Variants in ARPP21 observed in about 807,000 individuals in gnomAD.
The protein encoded by ARPP21 is cAMP regulated phosphoprotein 21, also known as cAMP-regulated phosphoprotein 21.
A neutral mutation model predicts 113.2 loss-of-function variants in ARPP21; 69 were observed. The observed-to-expected ratio is 0.61, with a 90% CI of 0.50 to 0.74. The LOEUF (loss-of-function observed/expected upper bound fraction) is 0.74. Among genes scored for constraint, ARPP21 ranks in the 30% least tolerant of loss-of-function variants. The pLI is 0.00. For missense variants in ARPP21, 1,070 were observed against 1,037.4 expected (o/e 1.03, Z -0.43); for synonymous variants, 368 against 375.5 (o/e 0.98, Z 0.23).
chr3:35,712,491 A>T (rs972745060), intron 11 of ARPP21, among the ~76,000 whole-genome samples: 3 of 151,100 alleles, frequency 2.0e-5, no homozygotes, highest in African/African-American at 7.3e-5. Flanking sequence ...TATTTTCCAA[A>T]TATATCTTGG....
At chr3:35,784,575 T>G (rs1440725582) in intron 19 of ARPP21, among the ~76,000 whole-genome samples, 1 of 152,204 alleles carries the variant, frequency 6.6e-6, no homozygotes, top group East Asian at 1.9e-4. Context: ...TCTCTGTGCC[T>G]CTTCTTTCCA....
intron 19 of ARPP21, among the ~76,000 whole-genome samples, chr3:35,779,154 G>A (rs1391982795): frequency 6.6e-6 from 1 of 152,010 alleles, no homozygotes. Flanking sequence ...TAGATACTGG[G>A]GGCAAATTAG....
In ARPP21 at chr3:35,685,342, T is replaced by C. The variant is rs1021094757; in HGVS notation, c.261+1527T>C. 214 of 985,280 alleles carry C rather than the reference T, an allele frequency of 2.2e-4. 1 individual carries two copies. The Middle Eastern group carries it at 3.1e-3, about 14-fold the overall frequency. The allele number at this position is 985,280 out of a possible 1,614,324, so 61.0% of individuals were successfully genotyped here. ...CCAAGACTAGCTTTGTAGGAGAGAA[T>C]GAGAGCCTGCAAGCCTCTCTTTGGA... On this transcript the variant is annotated intron_variant, in intron 5 of 20. Coordinates refer to ENST00000684406, the MANE Select transcript of ARPP21 (RefSeq NM_001385562.1).
rs189794151 is a variant in ARPP21, at chr3:35,682,794, G to T, written c.130-54G>T. The T allele has an allele frequency of 1.2e-4, 186 of 1,516,196 alleles. No individual in the cohort carries two copies. In the African/African-American group the frequency reaches 2.2e-3, roughly 18 times the overall value. 93.9% of individuals were successfully genotyped at this position (1,516,196 alleles called of 1,614,324 possible). A position where few individuals can be genotyped will look rare whatever the true frequency, so the allele number is the denominator to read the frequency against. On this transcript the variant is annotated intron_variant, in intron 3 of 20. Transcript: ENST00000684406. ...TCTCTCTCTCGGTTGTTGATTTACT[G>T]TTCGTTTTTGTTTGTTTTATTTTAT...
intron 12 of ARPP21, 81 bp downstream of exon 12, chr3:35,715,557 C>G: frequency 8.9e-7 from 1 of 1,127,616 alleles, no homozygotes; most frequent in Non-Finnish European, 1.3e-6. Flanking sequence ...AATATATATC[C>G]CATATATGTG....
chr3:35,733,042 C>T (rs945693628), intron 15 of ARPP21, among the ~76,000 whole-genome samples: 2 of 152,182 alleles, frequency 1.3e-5, no homozygotes, highest in Non-Finnish European at 2.9e-5. Flanking sequence ...CTCACCCCTT[C>T]TCTCTCTTTT....
intron 14 of ARPP21, among the ~76,000 whole-genome samples, chr3:35,725,459 C>G (rs542112024): frequency 6.6e-6 from 1 of 152,268 alleles, no homozygotes; most frequent in Non-Finnish European, 1.5e-5. Context: ...ACCATTTAGT[C>G]TGGTACCTTA....
intron 1 of ARPP21, among the ~76,000 whole-genome samples, chr3:35,655,921 G>A (rs1003721731): frequency 1.3e-5 from 2 of 151,978 alleles, no homozygotes; most frequent in African/African-American, 4.8e-5. Context: ...TAGTGATGTT[G>A]ATGTTGCCAG....
chr3:35,661,938 A>C (rs1265595732), intron 1 of ARPP21, among the ~76,000 whole-genome samples: 1 of 152,218 alleles, frequency 6.6e-6, no homozygotes, highest in African/African-American at 2.4e-5. Context: ...TTGAATGCCT[A>C]TTATGTGTCA....
chr3:35,771,576 G>A (rs1343927260), intron 19 of ARPP21, among the ~76,000 whole-genome samples: 1 of 152,130 alleles, frequency 6.6e-6, no homozygotes, highest in Non-Finnish European at 1.5e-5. Context: ...TAATCTGCCT[G>A]CCGTGGCCTC....
chr3:35,719,272 A>G (rs1381636315), intron 13 of ARPP21, among the ~76,000 whole-genome samples: 1 of 152,236 alleles, frequency 6.6e-6, no homozygotes, highest in Non-Finnish European at 1.5e-5. Flanking sequence ...ATTTTAATGT[A>G]TAAATACCTA....
At chr3:35,761,030 G>T (rs1418426747) in intron 19 of ARPP21, among the ~76,000 whole-genome samples, 1 of 152,060 alleles carries the variant, frequency 6.6e-6, no homozygotes, top group East Asian at 1.9e-4. Context: ...TTTCTAAAAT[G>T]CATTCTCAAG....
chr3:35,660,702 T>A (rs11129663), intron 1 of ARPP21, among the ~76,000 whole-genome samples: 96,709 of 152,068 alleles, frequency 0.64, 31,581 homozygotes, highest in African/African-American at 0.79. Flanking sequence ...TTGATGGGTA[T>A]TTATCAGTAA....
intron 2 of ARPP21, 25 bp from the exon 3 acceptor site, chr3:35,681,689 A>G: frequency 1.5e-6 from 2 of 1,325,504 alleles, no homozygotes; most frequent in Non-Finnish European, 2.1e-6. Flanking sequence ...CACTGACTTT[A>G]TTTTCTGATA....
chr3:35,723,106 A>C (rs2093249404), intron 14 of ARPP21, among the ~76,000 whole-genome samples: 1 of 152,048 alleles, frequency 6.6e-6, no homozygotes, highest in Non-Finnish European at 1.5e-5. Flanking sequence ...AGGCTCCTGA[A>C]GTGACAGGTG....
intron 19 of ARPP21, among the ~76,000 whole-genome samples, chr3:35,772,030 G>A (rs1345340843): frequency 6.6e-6 from 1 of 151,952 alleles, no homozygotes; most frequent in Admixed American, 6.6e-5. Flanking sequence ...ATCAGATTTG[G>A]TTCAGGCTTA....
At chr3:35,659,341 A>G (rs1483939789) in intron 1 of ARPP21, among the ~76,000 whole-genome samples, 4 of 152,198 alleles carry the variant, frequency 2.6e-5, no homozygotes, top group Non-Finnish European at 5.9e-5. Context: ...ACACATTTTA[A>G]AATATGATAA....
chr3:35,703,851 C>T (rs1211368140), intron 9 of ARPP21, among the ~76,000 whole-genome samples: 3 of 151,782 alleles, frequency 2.0e-5, no homozygotes, highest in Admixed American at 1.3e-4. Context: ...CATTTTATTG[C>T]TTAGAAATAA....
chr3:35,678,049 C>G (rs879173483), intron 1 of ARPP21, among the ~76,000 whole-genome samples: 1 of 151,926 alleles, frequency 6.6e-6, no homozygotes, highest in Admixed American at 6.6e-5. Flanking sequence ...TATTTCAAAA[C>G]GTGTCCTGGT....
Sources: gnomAD v4.1 joint callset for allele counts (sites outside exome capture counted in the v4.1 genomes callset) on GRCh38, gnomAD v4.1.1 for gene constraint, MANE v1.5 for transcripts, NCBI Gene and HGNC (gene_info 2026-07-23, HGNC 2026-07-21) for gene names.